Variants in FGD5 observed in about 807,000 individuals in gnomAD.
The protein encoded by FGD5 is FYVE, RhoGEF and PH domain-containing protein 5.
In FGD5, 28 loss-of-function variants were observed where a neutral mutation model predicts 133.4. The observed-to-expected ratio is 0.21, with a 90% CI of 0.16 to 0.29. FGD5 has a LOEUF of 0.29. Ranked by LOEUF, FGD5 falls within the 10% of genes least tolerant of loss-of-function variation. The pLI, the probability that FGD5 is intolerant of heterozygous loss-of-function variation, is 1.00. For synonymous variants in FGD5, 810 were observed against 776.5 expected (o/e 1.04, Z -0.72); for missense variants, 1,858 against 1,895.2 (o/e 0.98, Z 0.36).
intron 1 of FGD5, among the ~76,000 whole-genome samples, chr3:14,823,191 A>C (rs1312311279): frequency 6.6e-6 from 1 of 152,190 alleles, no homozygotes; most frequent in Non-Finnish European, 1.5e-5. Context: ...CCCATCCCCC[A>C]GCTGAGTGCC....
chr3:14,837,622 G>A (rs1043339770), intron 1 of FGD5, among the ~76,000 whole-genome samples: 12 of 151,886 alleles, frequency 7.9e-5, no homozygotes, highest in East Asian at 3.9e-4. Context: ...CTTCTCCCAC[G>A]GAGAGGGGGA....
Position 14,933,191 on chromosome 3 carries a change from T to C in FGD5, c.*24T>C. ...AGCAGTTATCAAGCATGTGGACTTG[T>C]AACAAATTCTTAGGTCAATATGTGA... On this transcript the variant is annotated 3_prime_UTR_variant, in exon 20 of 20. Transcript: ENST00000285046. The C allele has an allele frequency of 6.2e-7, 1 of 1,611,808 alleles. No individual in the cohort carries two copies. The highest frequency in any genetic ancestry group is 8.5e-7 in the Non-Finnish European group (1 of 1,178,924).
At position 14,882,256 on chromosome 3, in the gene FGD5, G is replaced by A. The variant is rs190224343; in HGVS notation, c.2748+1484G>A. The A allele has an allele frequency of 4.6e-3, 4,490 of 980,576 alleles. 15 individuals are homozygous for A. Among genetic ancestry groups the A allele is most frequent in the Non-Finnish European group, 5.1e-3 (4,209 of 825,626 alleles). The allele number at this position is 980,576 out of a possible 1,614,324, so 60.7% of individuals were successfully genotyped here. A position where few individuals can be genotyped will look rare whatever the true frequency, so the allele number is the denominator to read the frequency against. On this transcript the variant is annotated intron_variant, in intron 4 of 19. Transcript: ENST00000285046. ...GCTGACAGCATGACAGAGGGGCTGGGCAATTTTGTTTTATGACTTCATAAG... is the reference window on the plus strand; with the variant it reads ...GCTGACAGCATGACAGAGGGGCTGGACAATTTTGTTTTATGACTTCATAAG...
chr3:14,932,391 T>G, intron 18 of FGD5, 186 bp from the exon 19 acceptor site: 79 of 571,558 alleles, frequency 1.4e-4, no homozygotes, highest in Non-Finnish European at 1.4e-4. Flanking sequence ...CCAGTGTCGT[T>G]TCTTTCCTTC....
intron 4 of FGD5, among the ~76,000 whole-genome samples, chr3:14,888,345 G>A (rs957609284): frequency 2.0e-5 from 3 of 152,162 alleles, no homozygotes; most frequent in Non-Finnish European, 4.4e-5. Context: ...TTAGAGGGGA[G>A]GTAACAGAAA....
chr3:14,822,610 T>C (rs1459646528), intron 1 of FGD5, among the ~76,000 whole-genome samples: 1 of 152,054 alleles, frequency 6.6e-6, no homozygotes, highest in Non-Finnish European at 1.5e-5. Context: ...TCATTGATCA[T>C]CCCGAGTGGA....
chr3:14,832,950 G>T (rs2036744763), intron 1 of FGD5, among the ~76,000 whole-genome samples: 1 of 152,324 alleles, frequency 6.6e-6, no homozygotes, highest in Non-Finnish European at 1.5e-5. Context: ...TCCTTAGATT[G>T]CCTGGCTATG....
intron 9 of FGD5, among the ~76,000 whole-genome samples, chr3:14,903,094 T>C (rs28482919): frequency 0.84 from 128,189 of 152,090 alleles, 54,225 homozygotes; most frequent in East Asian, 0.98. Flanking sequence ...AGGTATTAAG[T>C]ACATTCACAC....
At chr3:14,810,762 G>A (rs998384892), upstream of FGD5, 1 of 965,024 alleles carries the variant, frequency 1.0e-6, no homozygotes, top group African/African-American at 1.8e-5. Context: ...GCCCCGCGGG[G>A]CGGCCGCGGA....
chr3:14,923,199 C>A (rs1214140193), intron 16 of FGD5, 24 bp downstream of exon 16: 1 of 1,602,860 alleles, frequency 6.2e-7, no homozygotes, highest in South Asian at 1.1e-5. Flanking sequence ...CACTTGCCTT[C>A]TTCCAAGTGG....
upstream of FGD5, chr3:14,818,843 A>T: frequency 8.3e-7 from 1 of 1,205,166 alleles, no homozygotes; most frequent in South Asian, 1.9e-5. Flanking sequence ...GGTGGGCTTC[A>T]CATGGATGGA....
intron 1 of FGD5, among the ~76,000 whole-genome samples, chr3:14,854,416 T>G (rs1369521690): frequency 3.0e-5 from 4 of 133,434 alleles, no homozygotes; most frequent in Middle Eastern, 3.6e-3. Flanking sequence ...TTTATTTATT[T>G]ATTTATTTAT....
chr3:14,927,946 T>TA (rs2038837470), intron 18 of FGD5, among the ~76,000 whole-genome samples: 1 of 150,882 alleles, frequency 6.6e-6, no homozygotes, highest in African/African-American at 2.4e-5. Context: ...TTTTTTTTTT[T>TA]TAATTTTTTT....
At chr3:14,904,592 G>A (rs1453758430) in intron 9 of FGD5, among the ~76,000 whole-genome samples, 1 of 151,872 alleles carries the variant, frequency 6.6e-6, no homozygotes, top group African/African-American at 2.4e-5. Context: ...TGTATTTCCT[G>A]CCCCAGTCTT....
chr3:14,905,139 T>C (rs1398435349), intron 9 of FGD5, among the ~76,000 whole-genome samples: 1 of 152,204 alleles, frequency 6.6e-6, no homozygotes, highest in African/African-American at 2.4e-5. Flanking sequence ...CCTTAATTTG[T>C]GGAAGATATT....
intron 1 of FGD5, among the ~76,000 whole-genome samples, chr3:14,823,251 G>A (rs567679138): frequency 3.9e-5 from 6 of 152,134 alleles, no homozygotes; most frequent in Admixed American, 2.6e-4. Context: ...TAAACTCTCC[G>A]TGCTGGTCAG....
intron 7 of FGD5, 48 bp from the exon 8 acceptor site, chr3:14,900,355 G>T: frequency 6.3e-7 from 1 of 1,598,092 alleles, no homozygotes; most frequent in East Asian, 2.2e-5. Flanking sequence ...TGGGCAGGAG[G>T]GGCTGACCTC....
chr3:14,924,625 A>G (rs1365311984), intron 17 of FGD5, among the ~76,000 whole-genome samples: 1 of 152,142 alleles, frequency 6.6e-6, no homozygotes, highest in African/African-American at 2.4e-5. Context: ...ATTCACAACC[A>G]CAGACCAATG....
chr3:14,877,605 G>A (rs1013071225), intron 2 of FGD5, among the ~76,000 whole-genome samples: 3 of 152,178 alleles, frequency 2.0e-5, no homozygotes, highest in Non-Finnish European at 4.4e-5. Flanking sequence ...GCCTTGTTTG[G>A]GGGAGGATCC....
Sources: allele counts gnomAD v4.1 joint callset (sites outside exome capture counted in the v4.1 genomes callset), GRCh38; gene constraint gnomAD v4.1.1; transcripts MANE v1.5; gene names NCBI Gene and HGNC (gene_info 2026-07-23, HGNC 2026-07-21).